NCKAP5: variants seen among roughly 807,000 people sequenced by gnomAD.
NCKAP5 encodes nck-associated protein 5.
In NCKAP5, 92 loss-of-function variants were observed where a neutral mutation model predicts 167.0. The ratio of observed to expected loss-of-function variants is 0.55; its 90% CI spans 0.47 to 0.66. The LOEUF (loss-of-function observed/expected upper bound fraction) is 0.66. NCKAP5 is among the 30% of genes least tolerant of loss of function. The probability of loss-of-function intolerance (pLI) is 0.00; values close to 1 mark genes in which losing one functional copy is unlikely to be tolerated. For missense variants in NCKAP5, 2,378 were observed against 2,315.0 expected, an observed-to-expected ratio of 1.03 and a Z score of -0.56; for synonymous variants, 891 against 877.4, an observed-to-expected ratio of 1.02 and a Z score of -0.27.
intron 3 of NCKAP5, among the ~76,000 whole-genome samples, chr2:133,426,552 T>C (rs756968806): frequency 6.6e-6 from 1 of 151,786 alleles, no homozygotes; most frequent in Non-Finnish European, 1.5e-5. Flanking sequence ...TGCAGGCTAA[T>C]ATCTCTGATG....
intron 8 of NCKAP5, among the ~76,000 whole-genome samples, chr2:132,884,031 C>T (rs1692009445): frequency 6.6e-6 from 1 of 152,190 alleles, no homozygotes; most frequent in Admixed American, 6.5e-5. Flanking sequence ...CATTTCAACT[C>T]AGTCACGGTT....
chr2:133,356,313 C>T (rs1249476132), intron 3 of NCKAP5, among the ~76,000 whole-genome samples: 4 of 152,206 alleles, frequency 2.6e-5, no homozygotes, highest in African/African-American at 4.8e-5. Context: ...TGCAACAACT[C>T]TTCAGAAAAG....
Position 132,907,615 on chromosome 2 carries a change from G to A in NCKAP5, c.580-28699C>T, listed in dbSNP as rs575324853. ...CAAGGCTCTTACCACTCAAAGACACGTTTTAGAGGTGTTTAGATAAACATC... is the reference window on the plus strand; with the variant it reads ...CAAGGCTCTTACCACTCAAAGACACATTTTAGAGGTGTTTAGATAAACATC... On this transcript the variant is annotated intron_variant, in intron 8 of 19. Transcript: ENST00000409261. 6.2e-5 allele frequency among the ~76,000 whole-genome samples: 8 copies of A among 129,610 alleles called. No individual in the cohort carries two copies. The South Asian group carries it at 9.3e-4, about 15-fold the overall frequency. The allele number at this position is 129,610 out of a possible 152,430, so 85.0% of individuals were successfully genotyped here. A position where few individuals can be genotyped will look rare whatever the true frequency, so the allele number is the denominator to read the frequency against.
the NCKAP5 span, among the ~76,000 whole-genome samples, chr2:133,598,079 A>G: frequency 6.6e-6 from 1 of 152,192 alleles, no homozygotes; most frequent in Non-Finnish European, 1.5e-5. Flanking sequence ...CTGCTCTATC[A>G]CTTACATGCT....
At chr2:132,928,396 T>C (rs1696085776) in intron 8 of NCKAP5, among the ~76,000 whole-genome samples, 1 of 152,220 alleles carries the variant, frequency 6.6e-6, no homozygotes, top group Non-Finnish European at 1.5e-5. Context: ...CATTAATTGA[T>C]GAGGTTTCCT....
chr2:132,688,142 G>A (rs1369101918), intron 19 of NCKAP5, among the ~76,000 whole-genome samples: 1 of 152,108 alleles, frequency 6.6e-6, no homozygotes, highest in Non-Finnish European at 1.5e-5. Context: ...TCAATTTTAA[G>A]CGAGTCCCTA....
chr2:132,717,092 C>T (rs776669396), intron 19 of NCKAP5, among the ~76,000 whole-genome samples: 22 of 152,158 alleles, frequency 1.4e-4, no homozygotes, highest in Non-Finnish European at 1.9e-4. Flanking sequence ...TTTGAGACCC[C>T]TGGTTCTGGC....
chr2:133,494,622 A>T (rs1681768891), intron 3 of NCKAP5, among the ~76,000 whole-genome samples: 1 of 152,126 alleles, frequency 6.6e-6, no homozygotes, highest in African/African-American at 2.4e-5. Flanking sequence ...GCGGTCAGAC[A>T]TGCCTCATTA....
At chr2:133,091,034 G>A (rs1013496490) in intron 6 of NCKAP5, among the ~76,000 whole-genome samples, 7 of 152,022 alleles carry the variant, frequency 4.6e-5, no homozygotes, top group African/African-American at 1.5e-4. Flanking sequence ...CACACGATCT[G>A]GTTATTTAAA....
intron 3 of NCKAP5, among the ~76,000 whole-genome samples, chr2:133,402,324 G>C (rs947870071): frequency 2.0e-5 from 3 of 152,178 alleles, no homozygotes; most frequent in Admixed American, 6.5e-5. Flanking sequence ...AGAAGACAAA[G>C]AGGATGGATA....
In NCKAP5 at chr2:132,862,549, C is replaced by T. The variant is rs148525858; in HGVS notation, c.688-1938G>A. On this transcript the variant is annotated intron_variant, in intron 10 of 19. Transcript: ENST00000409261. ...CCATTGTGAGGACCCACTCACTGCT[C>T]AAATTAAAAGGTGCAACTTCAGCCT... Among the ~76,000 whole-genome samples, 36 of 152,186 alleles carry T rather than the reference C, an allele frequency of 2.4e-4. 1 individual carries two copies. In the East Asian group the frequency reaches 7.0e-3, roughly 30 times the overall value.
At chr2:133,135,598 T>G (rs1371704158) in intron 5 of NCKAP5, among the ~76,000 whole-genome samples, 2 of 151,872 alleles carry the variant, frequency 1.3e-5, no homozygotes, top group African/African-American at 4.8e-5. Flanking sequence ...GGAAAACATT[T>G]ATATAAATAT....
At chr2:133,098,241 T>C (rs2081403032) in intron 6 of NCKAP5, among the ~76,000 whole-genome samples, 2 of 152,224 alleles carry the variant, frequency 1.3e-5, no homozygotes, top group African/African-American at 2.4e-5. Flanking sequence ...CTGCAACATC[T>C]GCAAACTTGA....
chr2:133,516,206 C>A (rs1466963798), intron 3 of NCKAP5, among the ~76,000 whole-genome samples: 1 of 152,144 alleles, frequency 6.6e-6, no homozygotes, highest in Non-Finnish European at 1.5e-5. Context: ...GAGAAATTAT[C>A]TCTTTATCCC....
At chr2:132,766,691 T>C (rs1681522955) in intron 16 of NCKAP5, among the ~76,000 whole-genome samples, 1 of 152,220 alleles carries the variant, frequency 6.6e-6, no homozygotes, top group Admixed American at 6.5e-5. Flanking sequence ...AGTGAAGCAC[T>C]TGATTCAAGA....
intron 3 of NCKAP5, among the ~76,000 whole-genome samples, chr2:133,329,619 T>C (rs1413720435): frequency 1.3e-5 from 2 of 152,140 alleles, no homozygotes; most frequent in Non-Finnish European, 2.9e-5. Context: ...CCCACTGGAA[T>C]TGTCAAAATT....
chr2:132,896,216 T>C (rs1693191243), intron 8 of NCKAP5, among the ~76,000 whole-genome samples: 2 of 152,200 alleles, frequency 1.3e-5, no homozygotes, highest in African/African-American at 4.8e-5. Context: ...TTCAATTGTT[T>C]TGTCATAATG....
chr2:132,884,793 T>C (rs10928437), intron 8 of NCKAP5, among the ~76,000 whole-genome samples: 42,831 of 152,030 alleles, frequency 0.28, 7,209 homozygotes, highest in Non-Finnish European at 0.38. Context: ...GGAAAAAACA[T>C]GTATGGAAAT....
chr2:132,683,955 G>T (rs975128194), intron 19 of NCKAP5, among the ~76,000 whole-genome samples: 1 of 152,148 alleles, frequency 6.6e-6, no homozygotes, highest in African/African-American at 2.4e-5. Context: ...TATAGCTGTC[G>T]TAGTACAAAA....
Sources: gnomAD v4.1 joint callset for allele counts (sites outside exome capture counted in the v4.1 genomes callset) on GRCh38, gnomAD v4.1.1 for gene constraint, MANE v1.5 for transcripts, NCBI Gene and HGNC (gene_info 2026-07-23, HGNC 2026-07-21) for gene names.